Variants in FRMPD1 observed in about 807,000 individuals in gnomAD.
FRMPD1 encodes the protein FERM and PDZ domain-containing protein 1.
Under a neutral mutation model 117.8 loss-of-function variants are expected in FRMPD1, and 76 were observed. That is an observed-to-expected ratio of 0.65 (90% CI 0.54 to 0.78). The LOEUF is 0.78. Among genes scored for constraint, FRMPD1 ranks in the 30% least tolerant of loss-of-function variants. FRMPD1 has a pLI of 0.00. For missense variants in FRMPD1, 1,786 were observed against 1,964.5 expected (o/e 0.91, Z 1.72); for synonymous variants, 783 against 770.4 (o/e 1.02, Z -0.27).
the FRMPD1 span, among the ~76,000 whole-genome samples, chr9:37,626,999 A>G: frequency 2.0e-5 from 3 of 152,250 alleles, no homozygotes; most frequent in Middle Eastern, 3.4e-3. Flanking sequence ...ACAGAGCTCC[A>G]CACATAATTG....
rs532366010 is a variant in FRMPD1 at position 37,676,598 on chromosome 9, C to T, written c.-4-16040C>T. Among the ~76,000 whole-genome samples, 146 of 152,194 alleles carry T rather than the reference C, an allele frequency of 9.6e-4. 1 individual carries two copies. Among genetic ancestry groups the T allele is most frequent in the African/African-American group, 3.5e-3 (144 of 41,528 alleles). ...AATTGTTTGCTGTAAACTGGGCAGC[C>T]CTACAGGAGGGAGAAGAGGTTTCCG... On this transcript the variant is annotated intron_variant, in intron 1 of 15. Transcript: ENST00000377765.
rs183820208 is a variant in FRMPD1, at chr9:37,716,425, T to C, written c.409-2644T>C. Among the ~76,000 whole-genome samples, 74 of 152,330 alleles carry C rather than the reference T, an allele frequency of 4.9e-4. No homozygotes were observed. The East Asian group carries it at 0.014, about 28-fold the overall frequency. On this transcript the variant is annotated intron_variant, in intron 5 of 15. Transcript: ENST00000377765. The stretch of plus-strand genomic sequence containing the variant: ...GGGAATTGTGGGGCTGAAAGGCTTA[T>C]TTGTACAGTTGACAGCTGTAGTCAT...
intron 2 of FRMPD1, among the ~76,000 whole-genome samples, chr9:37,703,591 C>T (rs561191023): frequency 5.4e-4 from 82 of 152,182 alleles, no homozygotes; most frequent in South Asian, 2.3e-3. Flanking sequence ...TTCAATGGTT[C>T]TTAGTGTATT....
chr9:37,637,963 GCTTT>G, the FRMPD1 span, among the ~76,000 whole-genome samples: 16,847 of 99,822 alleles, frequency 0.17, 2,805 homozygotes, highest in Middle Eastern at 0.22. Flanking sequence ...AATGGTGTAT[GCTTT>G]CTTTCTTTCT....
chr9:37,700,878 A>G (rs1822506078), intron 2 of FRMPD1, among the ~76,000 whole-genome samples: 1 of 152,226 alleles, frequency 6.6e-6, no homozygotes, highest in Admixed American at 6.5e-5. Flanking sequence ...CAGCAGAAAC[A>G]TGTTTTGAGA....
the FRMPD1 span, among the ~76,000 whole-genome samples, chr9:37,619,860 G>A: frequency 6.6e-6 from 1 of 151,460 alleles, no homozygotes; most frequent in Admixed American, 6.6e-5. Flanking sequence ...TAGTGAAGGT[G>A]CTTACTAGCT....
chr9:37,712,990 T>TA (rs911026020), intron 5 of FRMPD1, among the ~76,000 whole-genome samples: 6 of 151,970 alleles, frequency 3.9e-5, no homozygotes, highest in Non-Finnish European at 5.9e-5. Flanking sequence ...CTGACATATA[T>TA]AAAAAAATAA....
At chr9:37,681,021 G>A (rs1821710590) in intron 1 of FRMPD1, among the ~76,000 whole-genome samples, 2 of 151,942 alleles carry the variant, frequency 1.3e-5, no homozygotes, top group Non-Finnish European at 2.9e-5. Flanking sequence ...ACCAGCTGGG[G>A]CAACATAGCA....
chr9:37,666,664 C>A (rs1821169872), intron 1 of FRMPD1, among the ~76,000 whole-genome samples: 1 of 152,190 alleles, frequency 6.6e-6, no homozygotes, highest in Non-Finnish European at 1.5e-5. Context: ...CCACCAAACT[C>A]CCAGGTGTTC....
intron 1 of FRMPD1, among the ~76,000 whole-genome samples, chr9:37,652,873 ATTCC>A (rs1820720635): frequency 6.6e-6 from 1 of 152,208 alleles, no homozygotes; most frequent in Non-Finnish European, 1.5e-5. Context: ...ATCGCCTGGG[ATTCC>A]TGTGAACACT....
chr9:37,736,996 T>C (rs1429637114), intron 13 of FRMPD1, 100 bp from the exon 14 acceptor site: 2 of 891,456 alleles, frequency 2.2e-6, no homozygotes, highest in Middle Eastern at 2.2e-4. Context: ...CATGGCCGGA[T>C]TTACCTGGAA....
chr9:37,671,422 T>C (rs948049141), intron 1 of FRMPD1, among the ~76,000 whole-genome samples: 1 of 152,178 alleles, frequency 6.6e-6, no homozygotes, highest in Non-Finnish European at 1.5e-5. Context: ...GCCTTGGCTT[T>C]GGCTAGTTAG....
rs182587668 is a variant in FRMPD1, at chr9:37,656,741, G to A, written c.-5+5647G>A. On this transcript the variant is annotated intron_variant, in intron 1 of 15. Transcript: ENST00000377765. ...TCTGCCTGAAGGACAGTGGGAAGCC[G>A]GACTAGGTGCTTGGCAGATTGATAT... is the stretch of plus-strand genomic sequence containing the variant. 2.3e-3 allele frequency among the ~76,000 whole-genome samples: 350 copies of A among 151,956 alleles called. 2 individuals carry two copies. The highest frequency in any genetic ancestry group is 3.9e-3 in the Non-Finnish European group (268 of 67,960).
At chr9:37,733,096 T>C (rs1232538313) in intron 10 of FRMPD1, among the ~76,000 whole-genome samples, 1 of 152,210 alleles carries the variant, frequency 6.6e-6, no homozygotes. Flanking sequence ...TGCTGAAGCT[T>C]AGCCTAGGGG....
At position 37,663,789 on chromosome 9, in the gene FRMPD1, A is replaced by G. The variant is rs538274237; in HGVS notation, c.-5+12695A>G. On this transcript the variant is annotated intron_variant, in intron 1 of 15. Coordinates refer to ENST00000377765, the MANE Select transcript of FRMPD1 (RefSeq NM_014907.3). ...ATGGTGTAATGTTTGCATATAACCT[A>G]TGCATATCCTCTTGTATACTTCAGA... 2.0e-5 allele frequency among the ~76,000 whole-genome samples: 3 copies of G among 152,366 alleles called. No individual in the cohort carries two copies. The East Asian group carries it at 5.8e-4, about 29-fold the overall frequency.
chr9:37,703,746 A>G (rs919793651), intron 2 of FRMPD1, among the ~76,000 whole-genome samples: 1 of 152,166 alleles, frequency 6.6e-6, no homozygotes, highest in South Asian at 2.1e-4. Context: ...TTCTGTCTCT[A>G]TAGATTAGTC....
At chr9:37,691,404 AT>A (rs1307093898) in intron 1 of FRMPD1, among the ~76,000 whole-genome samples, 4 of 152,250 alleles carry the variant, frequency 2.6e-5, no homozygotes, top group Non-Finnish European at 5.9e-5. Context: ...GAAAAAGCAC[AT>A]TAGTGAAAAA....
At chr9:37,641,803 G>GT in the FRMPD1 span, among the ~76,000 whole-genome samples, 2 of 152,156 alleles carry the variant, frequency 1.3e-5, no homozygotes, top group Non-Finnish European at 2.9e-5. Flanking sequence ...GGCTAGTCTA[G>GT]TGCCTCCCCA....
the FRMPD1 span, among the ~76,000 whole-genome samples, chr9:37,640,525 T>C: frequency 6.6e-6 from 1 of 152,174 alleles, no homozygotes; most frequent in Non-Finnish European, 1.5e-5. Flanking sequence ...TGGTCCATTG[T>C]AGGAAATCTG....
Sources: allele counts gnomAD v4.1 joint callset (sites outside exome capture counted in the v4.1 genomes callset), GRCh38; gene constraint gnomAD v4.1.1; transcripts MANE v1.5; gene names NCBI Gene and HGNC (gene_info 2026-07-23, HGNC 2026-07-21).